The following B4GALT6 variants were observed in gnomAD, a reference collection of about 807,000 sequenced individuals.
B4GALT6 encodes the protein beta-1,4-galactosyltransferase 6.
A neutral mutation model predicts 46.3 loss-of-function variants in B4GALT6; 14 were observed. That is an observed-to-expected ratio of 0.30 (90% CI 0.20 to 0.47). The LOEUF (loss-of-function observed/expected upper bound fraction) is 0.47, where lower values mean the gene tolerates loss of function less well. B4GALT6 is among the 20% of genes least tolerant of loss of function. The probability of loss-of-function intolerance (pLI) is 0.99; values close to 1 mark genes in which losing one functional copy is unlikely to be tolerated. For missense variants in B4GALT6, 386 were observed against 480.1 expected, an observed-to-expected ratio of 0.80 and a Z score of 1.83; for synonymous variants, 168 against 162.0, an observed-to-expected ratio of 1.04 and a Z score of -0.28.
At chr18:31,693,382 G>T in the B4GALT6 span, among the ~76,000 whole-genome samples, 5 of 152,126 alleles carry the variant, frequency 3.3e-5, no homozygotes, top group Non-Finnish European at 5.9e-5. Context: ...GAATGTCATA[G>T]ATGAATATGT....
intron 2 of B4GALT6, among the ~76,000 whole-genome samples, chr18:31,659,801 T>A (rs750251526): frequency 5.9e-5 from 9 of 151,952 alleles, no homozygotes; most frequent in Non-Finnish European, 1.0e-4. Context: ...CAGTGAACAT[T>A]AATTGTTTTG....
chr18:31,633,345 G>A (rs2073814953), intron 5 of B4GALT6, among the ~76,000 whole-genome samples: 1 of 152,126 alleles, frequency 6.6e-6, no homozygotes, highest in Non-Finnish European at 1.5e-5. Context: ...GCAGTGGGGG[G>A]TTTTAAGCGG....
intron 1 of B4GALT6, among the ~76,000 whole-genome samples, chr18:31,678,223 C>CT (rs1011932539): frequency 1.3e-5 from 2 of 152,130 alleles, no homozygotes; most frequent in African/African-American, 4.8e-5. Flanking sequence ...GTAATCACAG[C>CT]TTTAAGAGGC....
upstream of B4GALT6, among the ~76,000 whole-genome samples, chr18:31,685,445 G>A (rs1299492505): frequency 6.6e-6 from 1 of 151,390 alleles, no homozygotes; most frequent in East Asian, 2.0e-4. Flanking sequence ...ACCCCTGCGC[G>A]CTTCGCGCGC....
chr18:31,662,697 C>A (rs2074233336), intron 2 of B4GALT6, among the ~76,000 whole-genome samples: 1 of 152,086 alleles, frequency 6.6e-6, no homozygotes, highest in South Asian at 2.1e-4. Context: ...AAAAATTAGC[C>A]AGGCATGGTG....
At chr18:31,634,733 T>C (rs1013233663) in intron 5 of B4GALT6, among the ~76,000 whole-genome samples, 15 of 152,358 alleles carry the variant, frequency 9.8e-5, no homozygotes, top group African/African-American at 3.6e-4. Context: ...GGTACCTGTC[T>C]AGCAGAAAAA....
the B4GALT6 span, among the ~76,000 whole-genome samples, chr18:31,691,783 T>C: frequency 6.6e-6 from 1 of 152,202 alleles, no homozygotes; most frequent in African/African-American, 2.4e-5. Context: ...GTGTCTGAAA[T>C]GTTTCTGTGT....
intron 3 of B4GALT6, among the ~76,000 whole-genome samples, chr18:31,654,093 T>C (rs2074109679): frequency 6.6e-6 from 1 of 152,240 alleles, no homozygotes; most frequent in African/African-American, 2.4e-5. Flanking sequence ...GGTTAGCAAC[T>C]ATAGAAACTA....
intron 2 of B4GALT6, chr18:31,658,301 C>T (rs551231457): frequency 1.6e-4 from 71 of 452,140 alleles, no homozygotes; most frequent in Non-Finnish European, 2.5e-4. Flanking sequence ...TAGAGAGCAG[C>T]ACACCCTTAT....
chr18:31,711,988 C>G, the B4GALT6 span, among the ~76,000 whole-genome samples: 1 of 152,044 alleles, frequency 6.6e-6, no homozygotes, highest in East Asian at 1.9e-4. Context: ...TATAAGAGCA[C>G]AGCCCTGACT....
intron 1 of B4GALT6, among the ~76,000 whole-genome samples, chr18:31,669,886 G>A (rs1304436672): frequency 6.6e-6 from 1 of 152,088 alleles, no homozygotes; most frequent in African/African-American, 2.4e-5. Context: ...AAGAAAACCT[G>A]CCACAAAGTA....
chr18:31,710,848 A>ACACACACACACACACG, the B4GALT6 span, among the ~76,000 whole-genome samples: 1 of 151,476 alleles, frequency 6.6e-6, no homozygotes, highest in Admixed American at 6.6e-5. Context: ...ACACACACAC[A>ACACACACACACACACG]CTATAATCCT....
At chr18:31,709,967 C>T in the B4GALT6 span, among the ~76,000 whole-genome samples, 1 of 151,616 alleles carries the variant, frequency 6.6e-6, no homozygotes, top group African/African-American at 2.4e-5. Context: ...TGGTGGTGCA[C>T]GCCTGTAATC....
the B4GALT6 span, among the ~76,000 whole-genome samples, chr18:31,700,996 A>G: frequency 6.6e-6 from 1 of 152,226 alleles, no homozygotes; most frequent in Non-Finnish European, 1.5e-5. Context: ...ATGACAACTA[A>G]TAAATTAGAT....
At chr18:31,679,986 C>A (rs555175068) in intron 1 of B4GALT6, among the ~76,000 whole-genome samples, 1 of 152,314 alleles carries the variant, frequency 6.6e-6, no homozygotes, top group South Asian at 2.1e-4. Context: ...AAGGGTCACT[C>A]TAAGACAATG....
rs144483608 is a variant in B4GALT6 at position 31,626,601 on chromosome 18, G to A, written c.900-217C>T. ...GAGCTCCACCTCCTGTCGGATCAGCGAATGGCATTAGATTTTCAGAGGAAC... is the reference window on the plus strand; with the variant it reads ...GAGCTCCACCTCCTGTCGGATCAGCAAATGGCATTAGATTTTCAGAGGAAC... On this transcript the variant is annotated intron_variant, in intron 7 of 8. Transcript: ENST00000306851. 6.3e-4 allele frequency among the ~76,000 whole-genome samples: 96 copies of A among 152,268 alleles called. No individual in the cohort carries two copies. In the South Asian group the frequency reaches 0.01, roughly 16 times the overall value.
chr18:31,720,852 C>A, the B4GALT6 span, among the ~76,000 whole-genome samples: 1 of 152,168 alleles, frequency 6.6e-6, no homozygotes, highest in Non-Finnish European at 1.5e-5. Context: ...AGAAGATTTG[C>A]AAATCTGGGA....
chr18:31,697,944 A>G, the B4GALT6 span, among the ~76,000 whole-genome samples: 238 of 152,242 alleles, frequency 1.6e-3, 1 homozygote, highest in African/African-American at 5.7e-3. Flanking sequence ...TTGTTTCTCA[A>G]TAATGTGTTT....
intron 1 of B4GALT6, among the ~76,000 whole-genome samples, chr18:31,669,192 C>T (rs2144698509): frequency 6.6e-6 from 1 of 152,254 alleles, no homozygotes; most frequent in Admixed American, 6.5e-5. Context: ...TTCAAAGTTT[C>T]ATTGAGATAT....
Sources: allele counts gnomAD v4.1 joint callset (sites outside exome capture counted in the v4.1 genomes callset), GRCh38; gene constraint gnomAD v4.1.1; transcripts MANE v1.5; gene names NCBI Gene and HGNC (gene_info 2026-07-23, HGNC 2026-07-21).